The following TEAD4 variants were observed in gnomAD, a reference collection of about 807,000 sequenced individuals.
TEAD4 encodes the protein transcriptional enhancer factor TEF-3.
In TEAD4, 36 loss-of-function variants were observed where a neutral mutation model predicts 52.4. The observed-to-expected ratio is 0.69, with a 90% CI of 0.53 to 0.91. TEAD4 has a LOEUF of 0.91. Among genes scored for constraint, TEAD4 ranks in the 40% least tolerant of loss-of-function variants. TEAD4 has a pLI of 0.00. For missense variants in TEAD4, 508 were observed against 583.9 expected, an observed-to-expected ratio of 0.87 and a Z score of 1.34; for synonymous variants, 220 against 231.0, an observed-to-expected ratio of 0.95 and a Z score of 0.43.
chr12:3,024,524 G>A (rs1661070392), intron 10 of TEAD4, among the ~76,000 whole-genome samples: 1 of 152,126 alleles, frequency 6.6e-6, no homozygotes, highest in Admixed American at 6.5e-5. Context: ...GGGTGTGGTG[G>A]TGTGTGCCTG....
intron 3 of TEAD4, among the ~76,000 whole-genome samples, chr12:3,005,419 G>C (rs2098255042): frequency 6.6e-6 from 1 of 152,122 alleles, no homozygotes; most frequent in Admixed American, 6.5e-5. Context: ...TCAGCTTCCT[G>C]AGTAGTTGGG....
At chr12:2,975,024 CTG>C (rs2098228344) in intron 2 of TEAD4, among the ~76,000 whole-genome samples, 7 of 152,002 alleles carry the variant, frequency 4.6e-5, no homozygotes, top group Admixed American at 4.6e-4. Flanking sequence ...CTCTCAAGTA[CTG>C]TATTTTCATA....
At chr12:3,034,970 G>A (rs1376719563) in intron 10 of TEAD4, among the ~76,000 whole-genome samples, 2 of 151,932 alleles carry the variant, frequency 1.3e-5, no homozygotes, top group Admixed American at 6.6e-5. Flanking sequence ...GCGTGGTGGT[G>A]GGCACCTGTA....
chr12:2,979,207 C>T (rs1217590821), intron 2 of TEAD4, among the ~76,000 whole-genome samples: 5 of 152,206 alleles, frequency 3.3e-5, no homozygotes, highest in African/African-American at 7.2e-5. Context: ...TGAGCCACCG[C>T]GCCCGGTCTC....
chr12:2,975,954 C>T lies in TEAD4; in HGVS notation c.-30+15914C>T, dbSNP rs562832419. ...ACACTATGTGGCCTTTTCAGATTGG[C>T]GTCTCTCACTAAGTAATACGCATTT... On this transcript the variant is annotated intron_variant, in intron 2 of 12. Transcript: ENST00000359864. Among the ~76,000 whole-genome samples the T allele has an allele frequency of 8.6e-5, 13 of 152,024 alleles. No individual in the cohort carries two copies. The East Asian group carries it at 1.7e-3, about 20-fold the overall frequency.
intron 2 of TEAD4, among the ~76,000 whole-genome samples, chr12:2,968,544 C>G (rs995213680): frequency 2.0e-5 from 3 of 151,812 alleles, no homozygotes; most frequent in African/African-American, 7.3e-5. Flanking sequence ...GTCTCAGTAG[C>G]TGGGACCACA....
intron 5 of TEAD4, among the ~76,000 whole-genome samples, chr12:3,014,955 G>T (rs778024175): frequency 6.6e-6 from 1 of 152,204 alleles, no homozygotes; most frequent in Non-Finnish European, 1.5e-5. Context: ...GCCCTCCTGC[G>T]GGGAGAGGTC....
intron 2 of TEAD4, among the ~76,000 whole-genome samples, chr12:2,962,095 T>G (rs1163992422): frequency 2.0e-5 from 3 of 151,260 alleles, no homozygotes; most frequent in African/African-American, 7.3e-5. Flanking sequence ...GTCCCCCATT[T>G]TATTTTATTT....
At chr12:2,981,745 A>AGTTG (rs1288511288) in intron 2 of TEAD4, among the ~76,000 whole-genome samples, 36 of 152,126 alleles carry the variant, frequency 2.4e-4, no homozygotes, top group Non-Finnish European at 1.2e-4. Context: ...GTATGAACAG[A>AGTTG]CTTGGGGCTC....
intron 2 of TEAD4, among the ~76,000 whole-genome samples, chr12:2,992,299 G>A (rs1439242574): frequency 6.6e-6 from 1 of 152,144 alleles, no homozygotes; most frequent in African/African-American, 2.4e-5. Flanking sequence ...GATTACAGGT[G>A]TGAGCCACTG....
intron 10 of TEAD4, among the ~76,000 whole-genome samples, chr12:3,034,197 G>C (rs117453542): frequency 0.011 from 1,617 of 152,190 alleles, 21 homozygotes; most frequent in Middle Eastern, 0.024. Flanking sequence ...CCTGAGCGAT[G>C]GGAAGAGCCA....
intron 3 of TEAD4, among the ~76,000 whole-genome samples, chr12:3,009,199 G>A (rs1192864814): frequency 1.3e-5 from 2 of 152,194 alleles, no homozygotes; most frequent in East Asian, 1.9e-4. Flanking sequence ...AGGCTGATGC[G>A]GGTGGATCAC....
intron 2 of TEAD4, among the ~76,000 whole-genome samples, chr12:2,982,777 C>G (rs1382349797): frequency 6.6e-6 from 1 of 152,192 alleles, no homozygotes; most frequent in South Asian, 2.1e-4. Flanking sequence ...CTGGGACAGA[C>G]CCAATCCTAG....
intron 2 of TEAD4, among the ~76,000 whole-genome samples, chr12:2,986,225 C>A (rs1050466900): frequency 6.6e-6 from 1 of 152,184 alleles, no homozygotes; most frequent in Non-Finnish European, 1.5e-5. Flanking sequence ...GGCAGTAACT[C>A]GCATGGAGAT....
chr12:3,040,671 A>G lies in TEAD4; in HGVS notation c.*193A>G. On this transcript the variant is annotated 3_prime_UTR_variant, in exon 13 of 13. Coordinates refer to ENST00000359864, the MANE Select transcript of TEAD4 (RefSeq NM_003213.4). ...TAAACCCAAGATGCTGTGTATTTTC[A>G]GAGGACCTGGTCTGGCTGTGTGAGC... 1.7e-6 allele frequency: 1 copy of G among 600,470 alleles called. No individual in the cohort carries two copies. Among genetic ancestry groups the G allele is most frequent in the Non-Finnish European group, 3.0e-6 (1 of 337,322 alleles). 37.2% of individuals were successfully genotyped at this position (600,470 alleles called of 1,614,324 possible).
intron 3 of TEAD4, among the ~76,000 whole-genome samples, chr12:2,997,267 A>G (rs2098248007): frequency 6.6e-6 from 1 of 152,084 alleles, no homozygotes; most frequent in Non-Finnish European, 1.5e-5. Flanking sequence ...TGGGAAACTA[A>G]CCCCTGAAAT....
Position 3,021,920 on chromosome 12 carries a change from T to A in TEAD4, c.800T>A (p.Ile267Asn). 1 of 1,614,202 alleles carries A rather than the reference T, an allele frequency of 6.2e-7. No homozygotes were observed. The highest frequency in any genetic ancestry group is 1.1e-5 in the South Asian group (1 of 91,076). The stretch of plus-strand genomic sequence containing the variant: ...GACCCCTACCTCGAAGCCGTGGACA[T>A]CCGCCAAATCTATGACAAATTCCCG... The change falls in exon 10 of 13, where the codon ATC (isoleucine) becomes AAC (asparagine). Residue 267 changes from isoleucine (I) to asparagine (N), a missense_variant. Coordinates refer to ENST00000359864, the MANE Select transcript of TEAD4 (RefSeq NM_003213.4).
At chr12:2,985,477 T>G (rs1591565098) in intron 2 of TEAD4, among the ~76,000 whole-genome samples, 3 of 150,752 alleles carry the variant, frequency 2.0e-5, no homozygotes, top group Admixed American at 2.0e-4. Flanking sequence ...CTTTATTCTA[T>G]AAGCCTTCTT....
chr12:3,002,652 A>G (rs2098252617), intron 3 of TEAD4, among the ~76,000 whole-genome samples: 2 of 152,180 alleles, frequency 1.3e-5, no homozygotes, highest in Non-Finnish European at 2.9e-5. Flanking sequence ...ATTGCCTTCT[A>G]GTGTTGTCGT....
Sources: gnomAD v4.1 joint callset for allele counts (sites outside exome capture counted in the v4.1 genomes callset) on GRCh38, gnomAD v4.1.1 for gene constraint, MANE v1.5 for transcripts, NCBI Gene and HGNC (gene_info 2026-07-23, HGNC 2026-07-21) for gene names.